Variants in MBNL1 observed in about 807,000 individuals in gnomAD.
The protein encoded by MBNL1 is muscleblind like splicing regulator 1, also known as muscleblind-like protein 1.
A neutral mutation model predicts 42.2 loss-of-function variants in MBNL1; 8 were observed. The ratio of observed to expected loss-of-function variants is 0.19; its 90% confidence interval spans 0.11 to 0.34. MBNL1 has a LOEUF of 0.34. Ranked by LOEUF, MBNL1 falls within the 10% of genes least tolerant of loss-of-function variation. The pLI, the probability that MBNL1 is intolerant of heterozygous loss-of-function variation, is 1.00. For missense variants in MBNL1, 309 were observed against 495.3 expected, an observed-to-expected ratio of 0.62 and a Z score of 3.57; for synonymous variants, 169 against 173.9, an observed-to-expected ratio of 0.97 and a Z score of 0.22.
intron 4 of MBNL1, 35 bp downstream of exon 4, chr3:152,432,955 A>G: frequency 6.5e-7 from 1 of 1,544,814 alleles, no homozygotes; most frequent in Non-Finnish European, 8.9e-7. Context: ...TATATACTAC[A>G]TTCTAATTCT....
At chr3:152,320,372 A>C (rs954992027) in intron 2 of MBNL1, among the ~76,000 whole-genome samples, 4 of 152,140 alleles carry the variant, frequency 2.6e-5, no homozygotes, top group African/African-American at 9.7e-5. Context: ...CTGTTGATGT[A>C]AATTTCTAGA....
intron 1 of MBNL1, among the ~76,000 whole-genome samples, chr3:152,279,536 G>C (rs183806071): frequency 1.1e-4 from 16 of 152,154 alleles, no homozygotes; most frequent in Admixed American, 6.5e-4. Context: ...TTGCTTTGAT[G>C]ATGGGTTACA....
chr3:152,326,883 A>G (rs2080658220), intron 2 of MBNL1, among the ~76,000 whole-genome samples: 1 of 151,650 alleles, frequency 6.6e-6, no homozygotes, highest in Non-Finnish European at 1.5e-5. Flanking sequence ...GCTCACTGCA[A>G]CGTCTGCCTC....
chr3:152,446,811 G>GTTT, intron 5 of MBNL1: 2 of 1,365,298 alleles, frequency 1.5e-6, no homozygotes, highest in African/African-American at 1.5e-5. Context: ...GTAGATACAA[G>GTTT]TTTTTTTTTT....
At chr3:152,315,516 A>G (rs1437347192) in intron 2 of MBNL1, among the ~76,000 whole-genome samples, 1 of 152,196 alleles carries the variant, frequency 6.6e-6, no homozygotes, top group Non-Finnish European at 1.5e-5. Flanking sequence ...TTTGCTTACT[A>G]CAGTTTTGTT....
intron 6 of MBNL1, among the ~76,000 whole-genome samples, chr3:152,451,833 A>T (rs1197451776): frequency 2.0e-5 from 3 of 152,020 alleles, no homozygotes; most frequent in African/African-American, 7.3e-5. Flanking sequence ...TTTTTTCACA[A>T]CGCCCAGAAG....
chr3:152,443,485 T>TACACACACACACACACACACACACAC (rs150370083), intron 4 of MBNL1, among the ~76,000 whole-genome samples: 55 of 144,970 alleles, frequency 3.8e-4, no homozygotes, highest in African/African-American at 1.1e-3. Context: ...ATATTTAGCA[T>TACACACACACACACACACACACACAC]ACACACACAC....
At chr3:152,319,629 T>G (rs1034824162) in intron 2 of MBNL1, among the ~76,000 whole-genome samples, 3 of 143,738 alleles carry the variant, frequency 2.1e-5, no homozygotes, top group Non-Finnish European at 4.6e-5. Flanking sequence ...TTTTTTTTTT[T>G]TTTTTTTTTT....
chr3:152,313,282 C>A (rs2068146196), intron 2 of MBNL1, among the ~76,000 whole-genome samples: 1 of 152,142 alleles, frequency 6.6e-6, no homozygotes, highest in African/African-American at 2.4e-5. Flanking sequence ...CTCGGCCTCC[C>A]AAAGTGCTGG....
intron 2 of MBNL1, among the ~76,000 whole-genome samples, chr3:152,392,101 A>G (rs1159518914): frequency 2.0e-5 from 3 of 152,132 alleles, no homozygotes; most frequent in Non-Finnish European, 2.9e-5. Context: ...GTATGATTAC[A>G]TTATAGAGAA....
intron 2 of MBNL1, among the ~76,000 whole-genome samples, 189 bp from the exon 3 acceptor site, chr3:152,414,752 A>G (rs983978870): frequency 2.0e-5 from 3 of 152,146 alleles, no homozygotes; most frequent in African/African-American, 7.2e-5. Flanking sequence ...AAATGTCTCA[A>G]CCTCTCATAT....
intron 4 of MBNL1, among the ~76,000 whole-genome samples, chr3:152,438,992 C>T (rs906676159): frequency 2.0e-5 from 3 of 151,842 alleles, no homozygotes; most frequent in South Asian, 2.1e-4. Flanking sequence ...TTAGCTGCAC[C>T]ATTTTTACAT....
chr3:152,458,123 T>C, intron 8 of MBNL1: 1 of 1,613,812 alleles, frequency 6.2e-7, no homozygotes, highest in Non-Finnish European at 8.5e-7. Context: ...TTGGTATGTT[T>C]CGACAGCCCC....
intron 2 of MBNL1, among the ~76,000 whole-genome samples, chr3:152,301,742 T>G (rs900374964): frequency 1.6e-4 from 24 of 152,230 alleles, no homozygotes; most frequent in African/African-American, 5.3e-4. Context: ...GCACAGTGGT[T>G]GTACCTCCGT....
intron 1 of MBNL1, among the ~76,000 whole-genome samples, chr3:152,293,547 T>G (rs2057123838): frequency 6.6e-6 from 1 of 152,228 alleles, no homozygotes; most frequent in South Asian, 2.1e-4. Flanking sequence ...GTTGTGGTTT[T>G]GGGCAAGGGG....
At chr3:152,424,970 A>G (rs2098892957) in intron 3 of MBNL1, among the ~76,000 whole-genome samples, 1 of 152,034 alleles carries the variant, frequency 6.6e-6, no homozygotes, top group Non-Finnish European at 1.5e-5. Flanking sequence ...AAGAAGACCA[A>G]GGCACTACCA....
intron 2 of MBNL1, among the ~76,000 whole-genome samples, chr3:152,361,040 A>G (rs574436307): frequency 6.6e-6 from 1 of 152,268 alleles, no homozygotes; most frequent in Admixed American, 6.5e-5. Context: ...TTAGATATAT[A>G]TGATATAATT....
chr3:152,439,539 AGAG>A (rs1286961212), intron 4 of MBNL1, among the ~76,000 whole-genome samples: 1 of 152,182 alleles, frequency 6.6e-6, no homozygotes, highest in Admixed American at 6.6e-5. Flanking sequence ...GTTTTCACAT[AGAG>A]GTTTATGTAG....
At chr3:152,403,721 C>G (rs2098329261) in intron 2 of MBNL1, among the ~76,000 whole-genome samples, 1 of 151,798 alleles carries the variant, frequency 6.6e-6, no homozygotes, top group African/African-American at 2.4e-5. Flanking sequence ...TTTTTTTTGC[C>G]TCAAGAGATT....
Sources: allele counts gnomAD v4.1 joint callset (sites outside exome capture counted in the v4.1 genomes callset), GRCh38; gene constraint gnomAD v4.1.1; transcripts MANE v1.5; gene names NCBI Gene and HGNC (gene_info 2026-07-23, HGNC 2026-07-21).